LY75: variants seen among roughly 807,000 people sequenced by gnomAD.
LY75 encodes the protein lymphocyte antigen 75.
LY75 carries 185 observed loss-of-function variants against 231.7 expected under a neutral mutation model. The ratio of observed to expected loss-of-function variants is 0.80; its 90% confidence interval spans 0.71 to 0.90. LY75 has a LOEUF of 0.90. LY75 is among the 40% of genes least tolerant of loss of function. The pLI is 0.00. For synonymous variants in LY75, 668 were observed against 689.0 expected, an observed-to-expected ratio of 0.97 and a Z score of 0.48; for missense variants, 1,947 against 2,050.2, an observed-to-expected ratio of 0.95 and a Z score of 0.97.
chr2:159,817,103 T>C (rs1015013169), intron 29 of LY75, 71 bp from the exon 30 acceptor site: 70 of 1,413,062 alleles, frequency 5.0e-5, no homozygotes, highest in Non-Finnish European at 5.8e-5. Flanking sequence ...TGAGACAACA[T>C]GCAATCATTT....
chr2:159,825,022 A>C (rs1269226673), intron 28 of LY75, among the ~76,000 whole-genome samples: 1 of 152,214 alleles, frequency 6.6e-6, no homozygotes, highest in Non-Finnish European at 1.5e-5. Flanking sequence ...TCTAAAATTA[A>C]CACCCTAACA....
intron 28 of LY75, among the ~76,000 whole-genome samples, chr2:159,821,070 T>C (rs1212623847): frequency 1.3e-5 from 2 of 152,128 alleles, no homozygotes; most frequent in African/African-American, 4.8e-5. Context: ...GAACTCCTGA[T>C]CTCATAATCC....
At chr2:159,878,816 A>C in intron 9 of LY75, 95 bp from the exon 10 acceptor site, 1 of 1,367,206 alleles carries the variant, frequency 7.3e-7, no homozygotes, top group East Asian at 2.4e-5. Context: ...ACGTCTTAGA[A>C]CTTGTGGAAA....
At chr2:159,807,951 C>T in intron 33 of LY75, 4 of 949,046 alleles carry the variant, frequency 4.2e-6, no homozygotes, top group Non-Finnish European at 5.0e-6. Context: ...TACTTTCACA[C>T]CAACCTAACA....
chr2:159,844,323 TAAAA>T (rs66740962), intron 23 of LY75, among the ~76,000 whole-genome samples: 1,999 of 133,414 alleles, frequency 0.015, 16 homozygotes, highest in Admixed American at 0.031. Flanking sequence ...GGCCTAATGG[TAAAA>T]AAAAAAAAAA....
At chr2:159,829,122 C>T (rs1441160436) in intron 28 of LY75, among the ~76,000 whole-genome samples, 1 of 152,130 alleles carries the variant, frequency 6.6e-6, no homozygotes, top group Non-Finnish European at 1.5e-5. Flanking sequence ...AAGATTGATG[C>T]CATCACTACC....
chr2:159,882,788 A>T (rs1055161409), intron 6 of LY75, among the ~76,000 whole-genome samples: 2 of 152,154 alleles, frequency 1.3e-5, no homozygotes, highest in African/African-American at 4.8e-5. Context: ...TCACCGTTGA[A>T]CAAAGGACAG....
At chr2:159,822,029 A>C (rs1236458076) in intron 28 of LY75, among the ~76,000 whole-genome samples, 1 of 152,250 alleles carries the variant, frequency 6.6e-6, no homozygotes, top group Admixed American at 6.5e-5. Flanking sequence ...GGGTCTTTGC[A>C]ACCTGCAAAC....
intron 23 of LY75, among the ~76,000 whole-genome samples, chr2:159,849,536 T>C (rs189466010): frequency 6.6e-6 from 1 of 152,260 alleles, no homozygotes; most frequent in African/African-American, 2.4e-5. Flanking sequence ...ACATGATGGT[T>C]TTATATGGTT....
chr2:159,833,331 G>T (rs1459928275), intron 27 of LY75, among the ~76,000 whole-genome samples: 1 of 152,028 alleles, frequency 6.6e-6, no homozygotes, highest in Admixed American at 6.6e-5. Flanking sequence ...TGCCCAGGCT[G>T]GTCTTGAATG....
At chr2:159,836,489 G>A (rs1294662360) in intron 25 of LY75, among the ~76,000 whole-genome samples, 2 of 152,310 alleles carry the variant, frequency 1.3e-5, no homozygotes, top group East Asian at 3.9e-4. Flanking sequence ...GTACAGGCCT[G>A]TCTGAGCTTC....
At chr2:159,852,638 C>T (rs1192043184) in intron 20 of LY75, among the ~76,000 whole-genome samples, 4 of 152,038 alleles carry the variant, frequency 2.6e-5, no homozygotes, top group South Asian at 2.1e-4. Context: ...AGGCTGGTCT[C>T]GAACTCCTTG....
At position 159,891,146 on chromosome 2, in the gene LY75, CTG is replaced by C. The variant is rs751748125; in HGVS notation, c.638-771_638-770del. The stretch of plus-strand genomic sequence containing the variant: ...GTGTCAAGTGCATCCCAGGCTCCAA[CTG>C]GGGGACTTTCCAAAAGGCCTCCTAT... On this transcript the variant is annotated intron_variant, in intron 3 of 34. Transcript: ENST00000263636. Among the ~76,000 whole-genome samples the C allele has an allele frequency of 2.6e-3, 402 of 152,262 alleles. 8 individuals are homozygous for C. Among genetic ancestry groups the C allele is most frequent in the Non-Finnish European group, 4.7e-4 (32 of 68,024 alleles).
At chr2:159,819,414 T>C (rs1683219159) in intron 29 of LY75, among the ~76,000 whole-genome samples, 1 of 152,180 alleles carries the variant, frequency 6.6e-6, no homozygotes, top group Non-Finnish European at 1.5e-5. Context: ...CCTTTTTTTT[T>C]TGTTATTCCC....
At chr2:159,884,132 T>C (rs1685517129) in intron 6 of LY75, among the ~76,000 whole-genome samples, 1 of 152,214 alleles carries the variant, frequency 6.6e-6, no homozygotes, top group Non-Finnish European at 1.5e-5. Flanking sequence ...CAAGCTCTCT[T>C]TCTTTGCCTG....
At chr2:159,852,410 G>A (rs1484960679) in intron 20 of LY75, 70 bp from the exon 21 acceptor site, 5 of 1,447,754 alleles carry the variant, frequency 3.5e-6, no homozygotes, top group Non-Finnish European at 4.5e-6. Context: ...TTTGTTTTGT[G>A]TGTTTTTTTT....
Position 159,805,129 on chromosome 2 carries a change from C to T in LY75, c.5084G>A (p.Arg1695His), listed in dbSNP as rs751923184. 1.8e-5 allele frequency: 29 copies of T among 1,613,912 alleles called. No individual in the cohort carries two copies. In the African/African-American group the frequency reaches 2.5e-4, roughly 14 times the overall value. ...GLIWFLFQRH[R>H]LHLAGFSSVR... ...TGATGAGAAACCCGCCAGGTGCAAA[C>T]GGTGCCTTTGGAAGAGGAACCAAAT... is the stretch of plus-strand genomic sequence containing the variant. The change falls in exon 35 of 35, where the codon CGT (arginine) becomes CAT (histidine). Residue 1695 changes from arginine (R) to histidine (H), a missense_variant. Transcript: ENST00000263636.
chr2:159,852,357 CAGGAT>C lies in LY75; in HGVS notation c.2744-22_2744-18del. The C allele has an allele frequency of 1.2e-6, 2 of 1,609,256 alleles. No individual in the cohort carries two copies. Among genetic ancestry groups the C allele is most frequent in the Non-Finnish European group, 8.5e-7 (1 of 1,177,668 alleles). On this transcript the variant is annotated intron_variant, in intron 20 of 34. Coordinates refer to ENST00000263636, the MANE Select transcript of LY75 (RefSeq NM_002349.4). The stretch of plus-strand genomic sequence containing the variant: ...TACCTAAGTCTGAGAAATGAAAAGC[CAGGAT>C]TACTATGGTGAGAATTTTTCAGTCA...
At chr2:159,809,671 T>C (rs1439655511) in intron 32 of LY75, among the ~76,000 whole-genome samples, 2 of 151,548 alleles carry the variant, frequency 1.3e-5, no homozygotes, top group African/African-American at 4.8e-5. Flanking sequence ...TTTTTATTAT[T>C]TATTTTATTT....
Sources: gnomAD v4.1 joint callset for allele counts (sites outside exome capture counted in the v4.1 genomes callset) on GRCh38, gnomAD v4.1.1 for gene constraint, MANE v1.5 for transcripts, NCBI Gene and HGNC (gene_info 2026-07-23, HGNC 2026-07-21) for gene names.